KCNQ3: variants seen among roughly 807,000 people sequenced by gnomAD.
KCNQ3 encodes the protein potassium voltage-gated channel subfamily Q member 3, also known as potassium voltage-gated channel subfamily KQT member 3.
A neutral mutation model predicts 92.5 loss-of-function variants in KCNQ3; 30 were observed. The observed-to-expected ratio is 0.32, with a 90% confidence interval of 0.24 to 0.44. The LOEUF (loss-of-function observed/expected upper bound fraction) is 0.44. Ranked by LOEUF, KCNQ3 falls within the 20% of genes least tolerant of loss-of-function variation. The pLI, the probability that KCNQ3 is intolerant of heterozygous loss-of-function variation, is 1.00. For synonymous variants in KCNQ3, 450 were observed against 468.8 expected (o/e 0.96, Z 0.52); for missense variants, 913 against 1,140.3 (o/e 0.80, Z 2.87).
At chr8:132,329,737 GAC>G (rs1818175618) in intron 1 of KCNQ3, among the ~76,000 whole-genome samples, 3 of 152,164 alleles carry the variant, frequency 2.0e-5, no homozygotes, top group Admixed American at 2.0e-4. Flanking sequence ...CTCTAGCTTT[GAC>G]ACAGTGTTCC....
intron 1 of KCNQ3, among the ~76,000 whole-genome samples, chr8:132,387,407 A>C (rs1322493434): frequency 2.0e-5 from 3 of 152,206 alleles, no homozygotes; most frequent in African/African-American, 7.2e-5. Flanking sequence ...CTTTCTTAAT[A>C]TGGCAAGAAT....
At chr8:132,436,607 T>C (rs1821401137) in intron 1 of KCNQ3, among the ~76,000 whole-genome samples, 1 of 152,258 alleles carries the variant, frequency 6.6e-6, no homozygotes, top group Admixed American at 6.5e-5. Context: ...CAAATATTTT[T>C]GTTTCTTTGT....
At chr8:132,161,208 T>C (rs1420892980) in intron 9 of KCNQ3, among the ~76,000 whole-genome samples, 1 of 152,192 alleles carries the variant, frequency 6.6e-6, no homozygotes, top group Non-Finnish European at 1.5e-5. Context: ...ATCCCCAATA[T>C]AGCACCAGCA....
At chr8:132,270,980 A>G (rs1424486256) in intron 1 of KCNQ3, among the ~76,000 whole-genome samples, 1 of 152,250 alleles carries the variant, frequency 6.6e-6, no homozygotes, top group Non-Finnish European at 1.5e-5. Flanking sequence ...ACAGCAATTC[A>G]TGAGCCTCTT....
chr8:132,135,166 G>T (rs1467933846), intron 12 of KCNQ3, among the ~76,000 whole-genome samples: 1 of 152,156 alleles, frequency 6.6e-6, no homozygotes, highest in Non-Finnish European at 1.5e-5. Flanking sequence ...GTGAGAACAC[G>T]CTGTATATGG....
At chr8:132,150,626 G>T (rs1825605717) in intron 9 of KCNQ3, among the ~76,000 whole-genome samples, 1 of 151,046 alleles carries the variant, frequency 6.6e-6, no homozygotes, top group African/African-American at 2.4e-5. Context: ...CTGGGAAAAG[G>T]TTTTTTTTTG....
chr8:132,471,397 G>A (rs185043762), intron 1 of KCNQ3, among the ~76,000 whole-genome samples: 1 of 152,268 alleles, frequency 6.6e-6, no homozygotes, highest in East Asian at 1.9e-4. Flanking sequence ...AAGTCAATAC[G>A]GATGGCCTGA....
At chr8:132,257,745 C>CAAAAAAAAAA (rs1174893538) in intron 1 of KCNQ3, among the ~76,000 whole-genome samples, 7 of 76,626 alleles carry the variant, frequency 9.1e-5, no homozygotes, top group Admixed American at 4.9e-4. Flanking sequence ...GACTCCAGCT[C>CAAAAAAAAAA]AAAAAAAAAA....
intron 1 of KCNQ3, among the ~76,000 whole-genome samples, chr8:132,227,999 A>C (rs970784488): frequency 2.0e-5 from 3 of 152,178 alleles, no homozygotes; most frequent in South Asian, 2.1e-4. Flanking sequence ...AAAAAAAAAA[A>C]CCCAATAAAT....
intron 1 of KCNQ3, among the ~76,000 whole-genome samples, chr8:132,460,556 C>G (rs1822038954): frequency 6.6e-6 from 1 of 152,142 alleles, no homozygotes; most frequent in African/African-American, 2.4e-5. Context: ...GAAACAACAG[C>G]ACTTACGTAC....
intron 1 of KCNQ3, among the ~76,000 whole-genome samples, chr8:132,318,647 G>T (rs1481798273): frequency 6.6e-6 from 1 of 152,178 alleles, no homozygotes; most frequent in East Asian, 1.9e-4. Flanking sequence ...ATTTTCTGGG[G>T]CACACTCATG....
At chr8:132,291,576 A>C (rs536675729) in intron 1 of KCNQ3, among the ~76,000 whole-genome samples, 37 of 152,354 alleles carry the variant, frequency 2.4e-4, no homozygotes, top group South Asian at 8.3e-4. Flanking sequence ...TCAGACAATA[A>C]TATTCCCAAT....
At chr8:132,434,265 T>A (rs932260024) in intron 1 of KCNQ3, among the ~76,000 whole-genome samples, 1 of 152,040 alleles carries the variant, frequency 6.6e-6, no homozygotes, top group Non-Finnish European at 1.5e-5. Context: ...ATGATATTTT[T>A]AAGTTGCTAA....
chr8:132,239,573 G>C (rs1336225718), intron 1 of KCNQ3, among the ~76,000 whole-genome samples: 1 of 152,190 alleles, frequency 6.6e-6, no homozygotes, highest in East Asian at 1.9e-4. Flanking sequence ...CCAACAGACT[G>C]CAAAACCTGG....
intron 1 of KCNQ3, among the ~76,000 whole-genome samples, chr8:132,435,373 G>C (rs533069535): frequency 6.6e-6 from 1 of 152,348 alleles, no homozygotes; most frequent in East Asian, 1.9e-4. Context: ...CAGCCGACCA[G>C]TTCAGCCAGA....
chr8:132,305,192 T>G (rs1817381566), intron 1 of KCNQ3, among the ~76,000 whole-genome samples: 1 of 152,214 alleles, frequency 6.6e-6, no homozygotes, highest in African/African-American at 2.4e-5. Flanking sequence ...AGGGATAAAC[T>G]GATCCAGCCA....
At chr8:132,189,638 C>T (rs1211296929) in intron 1 of KCNQ3, among the ~76,000 whole-genome samples, 1 of 151,876 alleles carries the variant, frequency 6.6e-6, no homozygotes, top group Non-Finnish European at 1.5e-5. Flanking sequence ...TCCAGCCTGA[C>T]CAACGTGGAG....
At chr8:132,430,664 C>G (rs1048703713) in intron 1 of KCNQ3, among the ~76,000 whole-genome samples, 1 of 152,218 alleles carries the variant, frequency 6.6e-6, no homozygotes, top group African/African-American at 2.4e-5. Flanking sequence ...CCGGTCATCA[C>G]CAGGAGTTCC....
At chr8:132,149,098 C>T (rs367858474) in intron 9 of KCNQ3, among the ~76,000 whole-genome samples, 98 of 152,316 alleles carry the variant, frequency 6.4e-4, no homozygotes, top group African/African-American at 2.3e-3. Context: ...GTTTTCTGTG[C>T]GTTTTTCTTG....
Sources: gnomAD v4.1 joint callset for allele counts (sites outside exome capture counted in the v4.1 genomes callset) on GRCh38, gnomAD v4.1.1 for gene constraint, MANE v1.5 for transcripts, NCBI Gene and HGNC (gene_info 2026-07-23, HGNC 2026-07-21) for gene names.